VIPR2: variants seen among roughly 807,000 people sequenced by gnomAD.
VIPR2 encodes the protein vasoactive intestinal peptide receptor 2, also known as vasoactive intestinal polypeptide receptor 2.
Under a neutral mutation model 58.0 loss-of-function variants are expected in VIPR2, and 48 were observed. The ratio of observed to expected loss-of-function variants is 0.83; its 90% confidence interval spans 0.66 to 1.05. The LOEUF is 1.05. Ranked by LOEUF, VIPR2 falls within the 50% of genes least tolerant of loss-of-function variation. VIPR2 has a pLI of 0.00. For synonymous variants in VIPR2, 243 were observed against 235.2 expected, an observed-to-expected ratio of 1.03 and a Z score of -0.30; for missense variants, 534 against 558.0, an observed-to-expected ratio of 0.96 and a Z score of 0.43.
At chr7:159,041,551 C>T (rs1585344498) in intron 6 of VIPR2, among the ~76,000 whole-genome samples, 1 of 148,520 alleles carries the variant, frequency 6.7e-6, no homozygotes, top group South Asian at 2.2e-4. Context: ...ATTGAGGGTC[C>T]GTCAGGGTCC....
intron 4 of VIPR2, among the ~76,000 whole-genome samples, chr7:159,100,998 C>T (rs1300841913): frequency 4.2e-5 from 6 of 141,976 alleles, no homozygotes; most frequent in African/African-American, 8.2e-5. Context: ...CGAGATCCGA[C>T]GAGGCGGTTC....
intron 5 of VIPR2, among the ~76,000 whole-genome samples, chr7:159,050,036 G>C (rs1174952752): frequency 6.6e-6 from 1 of 152,118 alleles, no homozygotes; most frequent in African/African-American, 2.4e-5. Context: ...CAAAAGCCAA[G>C]TTAAAAAGAA....
chr7:159,088,549 T>C (rs1857309229), intron 4 of VIPR2, among the ~76,000 whole-genome samples: 3 of 152,186 alleles, frequency 2.0e-5, no homozygotes, highest in Admixed American at 1.3e-4. Context: ...AGCACACCTA[T>C]ACACCTGCAA....
chr7:159,082,105 C>T (rs1032795774), intron 4 of VIPR2, among the ~76,000 whole-genome samples: 185 of 152,150 alleles, frequency 1.2e-3, no homozygotes, highest in Non-Finnish European at 2.1e-3. Context: ...CCCAGCCATC[C>T]CATTACTGGG....
Position 159,127,878 on chromosome 7 carries a change from G to A in VIPR2, c.151+14568C>T, listed in dbSNP as rs1449593522. Among the ~76,000 whole-genome samples, 1 of 152,172 alleles carries A rather than the reference G, an allele frequency of 6.6e-6. No homozygotes were observed. Among genetic ancestry groups the A allele is most frequent in the Non-Finnish European group, 1.5e-5 (1 of 68,024 alleles). On this transcript the variant is annotated intron_variant, in intron 2 of 12. Transcript: ENST00000262178. The surrounding 1 kb of genome is among the most constrained non-coding windows in gnomAD (Gnocchi z 4.6). Reference sequence around the variant, plus strand: ...GGGCTTAGGGCTGGGGCCACGCGAGGCCTTGGAGAGGGTGAACATTCAAGG... The same window carrying A: ...GGGCTTAGGGCTGGGGCCACGCGAGACCTTGGAGAGGGTGAACATTCAAGG...
intron 4 of VIPR2, among the ~76,000 whole-genome samples, chr7:159,059,889 A>AC (rs1163134520): frequency 1.3e-5 from 2 of 149,322 alleles, no homozygotes; most frequent in East Asian, 4.0e-4. Flanking sequence ...CATGACCCTC[A>AC]CCTCATCTAA....
intron 4 of VIPR2, among the ~76,000 whole-genome samples, chr7:159,063,462 C>A (rs1189415773): frequency 1.3e-5 from 2 of 151,958 alleles, no homozygotes; most frequent in Non-Finnish European, 2.9e-5. Context: ...CACGAACTTG[C>A]GCTGGCCCGC....
intron 4 of VIPR2, among the ~76,000 whole-genome samples, chr7:159,083,789 C>T (rs562387218): frequency 6.6e-5 from 10 of 152,350 alleles, no homozygotes; most frequent in African/African-American, 2.2e-4. Context: ...GAGGTGTCTG[C>T]ACTGCATCAC....
chr7:159,132,893 CAGACAGAATGATTGGCATACA>C (rs1585562509), intron 2 of VIPR2, among the ~76,000 whole-genome samples: 110 of 23,616 alleles, frequency 4.7e-3, no homozygotes, highest in Non-Finnish European at 5.9e-3. Flanking sequence ...AGATTGATTT[CAGACAGAATGATTGGCATACA>C]GATTGATTTC....
intron 5 of VIPR2, among the ~76,000 whole-genome samples, chr7:159,047,099 G>A (rs1193299292): frequency 6.6e-6 from 1 of 152,166 alleles, no homozygotes; most frequent in Non-Finnish European, 1.5e-5. Flanking sequence ...GCCGGGCTTG[G>A]TGGTGGGTGC....
At chr7:159,106,238 A>T (rs908999949) in intron 3 of VIPR2, among the ~76,000 whole-genome samples, 4 of 152,278 alleles carry the variant, frequency 2.6e-5, no homozygotes, top group African/African-American at 9.6e-5. Context: ...GAAGATGCTG[A>T]AATAAAACTC....
At chr7:159,144,497 G>C in intron 1 of VIPR2, 1 of 1,538,082 alleles carries the variant, frequency 6.5e-7, no homozygotes, top group Non-Finnish European at 8.8e-7. Context: ...AAGGGCGCAG[G>C]CAGCCTCCCA....
At chr7:159,102,830 C>T (rs933596989) in intron 4 of VIPR2, among the ~76,000 whole-genome samples, 9 of 152,086 alleles carry the variant, frequency 5.9e-5, no homozygotes, top group African/African-American at 2.2e-4. Context: ...CGCGATACTT[C>T]CCAGGGCTCC....
At chr7:159,092,306 C>T (rs760168188) in intron 4 of VIPR2, among the ~76,000 whole-genome samples, 7 of 152,138 alleles carry the variant, frequency 4.6e-5, no homozygotes, top group Non-Finnish European at 7.4e-5. Context: ...GTGACAGGAG[C>T]GGGTCTTACC....
intron 4 of VIPR2, among the ~76,000 whole-genome samples, chr7:159,090,969 C>A (rs537831151): frequency 2.9e-5 from 4 of 136,326 alleles, no homozygotes; most frequent in African/African-American, 1.1e-4. Flanking sequence ...CAGGGGCCAC[C>A]TCCTGCGACC....
At chr7:159,117,299 G>A (rs568344715) in intron 2 of VIPR2, 1 of 717,334 alleles carries the variant, frequency 1.4e-6, no homozygotes, top group Non-Finnish European at 2.6e-6. Flanking sequence ...ATTTCTCAAT[G>A]ATTTTGTAAT....
chr7:159,034,377 G>C (rs376285328), intron 9 of VIPR2, 73 bp from the exon 10 acceptor site: 1 of 1,488,080 alleles, frequency 6.7e-7, no homozygotes, highest in Non-Finnish European at 9.3e-7. Flanking sequence ...ACCTGATTTC[G>C]ACCCTCCCCT....
At chr7:159,037,260 G>A (rs953395647) in intron 6 of VIPR2, among the ~76,000 whole-genome samples, 2 of 152,182 alleles carry the variant, frequency 1.3e-5, no homozygotes, top group Non-Finnish European at 2.9e-5. Flanking sequence ...CCCCTTCTCT[G>A]ACCTGCTTCA....
At chr7:159,120,826 G>C (rs1411744600) in intron 2 of VIPR2, among the ~76,000 whole-genome samples, 2 of 152,168 alleles carry the variant, frequency 1.3e-5, no homozygotes, top group African/African-American at 4.8e-5. Context: ...TAGTATTTCT[G>C]TCCACTCTTT....
Sources: gnomAD v4.1 joint callset for allele counts (sites outside exome capture counted in the v4.1 genomes callset) on GRCh38, gnomAD v4.1.1 for gene constraint, Gnocchi (gnomAD v3.1) non-coding constraint, MANE v1.5 for transcripts, NCBI Gene and HGNC (gene_info 2026-07-23, HGNC 2026-07-21) for gene names.